Variants in DLG2 observed in about 807,000 individuals in gnomAD.
DLG2 encodes the protein disks large homolog 2.
A neutral mutation model predicts 132.5 loss-of-function variants in DLG2; 45 were observed. The observed-to-expected ratio is 0.34, with a 90% confidence interval of 0.27 to 0.44. The LOEUF (loss-of-function observed/expected upper bound fraction) is 0.44. Ranked by LOEUF, DLG2 falls within the 20% of genes least tolerant of loss-of-function variation. DLG2 has a pLI of 1.00. For missense variants in DLG2, 1,045 were observed against 1,196.9 expected (o/e 0.87, Z 1.87); for synonymous variants, 424 against 419.6 (o/e 1.01, Z -0.13).
rs183196111 is a variant in DLG2, at chr11:84,272,807, C to A, written c.520-21516G>T. Among the ~76,000 whole-genome samples the A allele has an allele frequency of 4.4e-4, 67 of 152,186 alleles. 1 individual carries two copies. In the East Asian group the frequency reaches 0.011, roughly 25 times the overall value. On this transcript the variant is annotated intron_variant, in intron 7 of 27. Coordinates refer to ENST00000376104, the MANE Select transcript of DLG2 (RefSeq NM_001142699.3). ...GATATTCAAGTAGCTCTGGGGGAAC[C>A]AATGGGGAAATAAACATTGCAGTTT... is the stretch of plus-strand genomic sequence containing the variant.
At chr11:83,569,258 G>T (rs145230694) in intron 19 of DLG2, among the ~76,000 whole-genome samples, 194 of 151,640 alleles carry the variant, frequency 1.3e-3, no homozygotes, top group African/African-American at 4.4e-3. Flanking sequence ...AAATTCTTAA[G>T]ACAGTCTCTG....
chr11:83,867,033 A>G (rs2062526531), intron 16 of DLG2, among the ~76,000 whole-genome samples: 2 of 152,202 alleles, frequency 1.3e-5, no homozygotes, highest in Admixed American at 1.3e-4. Flanking sequence ...TCCCCATTTA[A>G]TAACATTTTT....
chr11:84,661,961 A>T (rs566826298), intron 6 of DLG2, among the ~76,000 whole-genome samples: 10 of 152,216 alleles, frequency 6.6e-5, no homozygotes, highest in Non-Finnish European at 1.0e-4. Context: ...CCTGGACAAA[A>T]TGCATCTGCC....
rs2088328545 is a variant in DLG2 at position 84,886,465 on chromosome 11, C to A, written c.357+225196G>T. On this transcript the variant is annotated intron_variant, in intron 6 of 27. Transcript: ENST00000376104. ...TTAAAGGGAGATTCCACATCCTGTG[C>A]CTGCCTTGGGAAGCCTTGAAGAAAT... 2.0e-5 allele frequency among the ~76,000 whole-genome samples: 3 copies of A among 152,094 alleles called. No homozygotes were observed. The South Asian group carries it at 6.2e-4, about 32-fold the overall frequency.
intron 7 of DLG2, among the ~76,000 whole-genome samples, chr11:84,378,554 C>T (rs568678098): frequency 8.5e-5 from 13 of 152,114 alleles, no homozygotes; most frequent in Admixed American, 6.6e-4. Flanking sequence ...GGAAAAATCT[C>T]GCCTGAGAAT....
At chr11:84,506,079 C>CTTTCTTTTTTTTTTTTTTTTT (rs2099238922) in intron 7 of DLG2, among the ~76,000 whole-genome samples, 1 of 107,030 alleles carries the variant, frequency 9.3e-6, no homozygotes, top group South Asian at 3.2e-4. Flanking sequence ...AGGCTCAGTT[C>CTTTCTTTTTTTTTTTTTTTTT]TTTTTTTTTT....
chr11:84,755,032 A>T (rs1312839007), intron 6 of DLG2, among the ~76,000 whole-genome samples: 1 of 152,218 alleles, frequency 6.6e-6, no homozygotes, highest in Non-Finnish European at 1.5e-5. Context: ...TACTTGTATT[A>T]AAAATCCCAA....
intron 9 of DLG2, among the ~76,000 whole-genome samples, chr11:84,102,426 A>G (rs750339921): frequency 1.4e-4 from 22 of 152,302 alleles, no homozygotes; most frequent in South Asian, 4.1e-4. Context: ...AAAGGCCACA[A>G]TAGAAATCCA....
chr11:84,986,437 A>C (rs1417907797), intron 6 of DLG2, among the ~76,000 whole-genome samples: 2 of 152,172 alleles, frequency 1.3e-5, no homozygotes, highest in East Asian at 3.9e-4. Flanking sequence ...AGCCAGTATC[A>C]CCCTAATACC....
Position 84,004,182 on chromosome 11 carries a change from C to A in DLG2, c.920-23540G>T, listed in dbSNP as rs117155519. On this transcript the variant is annotated intron_variant, in intron 11 of 27. Coordinates refer to ENST00000376104, the MANE Select transcript of DLG2 (RefSeq NM_001142699.3). ...CCTGACGAACACATCTTCAAAAAAT[C>A]CTCAACAAAATACTAGCAAACTGAA... Among the ~76,000 whole-genome samples the A allele has an allele frequency of 6.8e-3, 1,042 of 152,140 alleles. 4 individuals are homozygous for A. Among genetic ancestry groups the A allele is most frequent in the Non-Finnish European group, 0.011 (747 of 67,990 alleles).
chr11:84,724,794 T>A (rs868665360), intron 6 of DLG2, among the ~76,000 whole-genome samples: 3 of 152,154 alleles, frequency 2.0e-5, no homozygotes, highest in Admixed American at 6.5e-5. Flanking sequence ...TTCTTCCTCA[T>A]GTTAGATGTC....
intron 17 of DLG2, among the ~76,000 whole-genome samples, chr11:83,792,766 T>C (rs1425264057): frequency 1.3e-5 from 2 of 152,150 alleles, no homozygotes; most frequent in African/African-American, 4.8e-5. Flanking sequence ...GCTAGGTAGC[T>C]TCATTATTTT....
chr11:84,043,037 G>A (rs2096134665), intron 11 of DLG2, among the ~76,000 whole-genome samples: 1 of 151,588 alleles, frequency 6.6e-6, no homozygotes, highest in African/African-American at 2.4e-5. Flanking sequence ...GGACATATAT[G>A]TATATGCTAT....
At chr11:85,142,957 G>A (rs1318477384) in intron 5 of DLG2, among the ~76,000 whole-genome samples, 1 of 151,740 alleles carries the variant, frequency 6.6e-6, no homozygotes, top group African/African-American at 2.4e-5. Flanking sequence ...TGGTTTGTGA[G>A]TATTTTGTTG....
intron 6 of DLG2, among the ~76,000 whole-genome samples, chr11:85,026,147 A>G (rs1046985622): frequency 2.6e-5 from 4 of 152,200 alleles, no homozygotes; most frequent in Non-Finnish European, 5.9e-5. Flanking sequence ...TAAAATTTTC[A>G]AACAAAAGGC....
At chr11:84,121,541 ATTTTTTTTTTTTTTTTTTTTTTTTTTT>A (rs869183421) in intron 9 of DLG2, among the ~76,000 whole-genome samples, 1 of 66,670 alleles carries the variant, frequency 1.5e-5, no homozygotes, top group Non-Finnish European at 2.8e-5. Context: ...TTCCTTGCTA[ATTTTTTTTTTTTTTTTTTTTTTTTTTT>A]TTTTTTTTTT....
intron 2 of DLG2, among the ~76,000 whole-genome samples, chr11:85,614,506 G>A (rs757549232): frequency 2.2e-4 from 34 of 152,080 alleles, no homozygotes; most frequent in Non-Finnish European, 3.5e-4. Context: ...TGAGCATGGA[G>A]GCCCATGCCT....
intron 8 of DLG2, among the ~76,000 whole-genome samples, chr11:84,219,074 A>G (rs971728858): frequency 6.6e-6 from 1 of 152,236 alleles, no homozygotes; most frequent in African/African-American, 2.4e-5. Context: ...TCCTGTAAAT[A>G]CCATGATTTA....
chr11:85,264,250 T>G (rs1341159049), intron 4 of DLG2, among the ~76,000 whole-genome samples: 1 of 152,138 alleles, frequency 6.6e-6, no homozygotes, highest in Non-Finnish European at 1.5e-5. Context: ...TCCTCCACCT[T>G]TCTGAGAATA....
Sources: allele counts gnomAD v4.1 joint callset (sites outside exome capture counted in the v4.1 genomes callset), GRCh38; gene constraint gnomAD v4.1.1; transcripts MANE v1.5; gene names NCBI Gene and HGNC (gene_info 2026-07-23, HGNC 2026-07-21).